Variants in EYA2 observed in about 807,000 individuals in gnomAD.
EYA2 encodes the protein EYA transcriptional coactivator and phosphatase 2.
In EYA2, 31 loss-of-function variants were observed where a neutral mutation model predicts 69.2. The observed-to-expected ratio is 0.45, with a 90% CI of 0.34 to 0.60. The LOEUF (loss-of-function observed/expected upper bound fraction) is 0.60. Among genes scored for constraint, EYA2 ranks in the 20% least tolerant of loss-of-function variants. EYA2 has a pLI of 0.02. For synonymous variants in EYA2, 257 were observed against 279.4 expected (o/e 0.92, Z 0.80); for missense variants, 622 against 701.2 (o/e 0.89, Z 1.28).
At position 47,153,768 on chromosome 20, in the gene EYA2, G is replaced by A. The variant is rs564989739; in HGVS notation, c.978+10620G>A. ...TATCCGGGTGAGTGCCATCCACTAA[G>A]AGGCCTGGCACCGTGGAAGGAATGG... On this transcript the variant is annotated intron_variant, in intron 10 of 15. Coordinates refer to ENST00000327619, the MANE Select transcript of EYA2 (RefSeq NM_005244.5). Among the ~76,000 whole-genome samples, 427 of 152,066 alleles carry A rather than the reference G, an allele frequency of 2.8e-3. 4 individuals are homozygous for A. Among genetic ancestry groups the A allele is most frequent in the Non-Finnish European group, 4.6e-3 (310 of 68,018 alleles).
intron 12 of EYA2, among the ~76,000 whole-genome samples, chr20:47,179,347 T>TGGGG (rs1568830586): frequency 8.0e-5 from 3 of 37,614 alleles, no homozygotes; most frequent in Admixed American, 3.2e-4. Context: ...GATTGATGGG[T>TGGGG]GGGTGGGTGG....
chr20:46,972,592 C>A (rs1980208032), intron 1 of EYA2, among the ~76,000 whole-genome samples: 1 of 152,184 alleles, frequency 6.6e-6, no homozygotes, highest in Non-Finnish European at 1.5e-5. Context: ...GCTCTCAGAA[C>A]TACACAAGTA....
chr20:47,048,406 G>C (rs1410336673), intron 5 of EYA2, among the ~76,000 whole-genome samples: 1 of 152,110 alleles, frequency 6.6e-6, no homozygotes, highest in African/African-American at 2.4e-5. Flanking sequence ...CCAAAATCTG[G>C]GTTTTCATGG....
chr20:47,110,223 G>A (rs1053251171), intron 9 of EYA2, among the ~76,000 whole-genome samples: 2 of 152,082 alleles, frequency 1.3e-5, no homozygotes, highest in African/African-American at 4.8e-5. Flanking sequence ...CCAGGAAGTG[G>A]CCCACTGCTC....
At chr20:46,958,182 G>A (rs1600581076) in intron 1 of EYA2, among the ~76,000 whole-genome samples, 2 of 152,274 alleles carry the variant, frequency 1.3e-5, no homozygotes, top group East Asian at 3.9e-4. Flanking sequence ...CTGGTAAATG[G>A]GTTCAGCTGC....
At chr20:46,904,620 G>T (rs1222098049) in intron 1 of EYA2, among the ~76,000 whole-genome samples, 2 of 152,096 alleles carry the variant, frequency 1.3e-5, no homozygotes, top group Non-Finnish European at 2.9e-5. Flanking sequence ...TGAGGTTCTT[G>T]CTCCCCTCAA....
At chr20:47,010,054 C>G (rs1982961325) in intron 4 of EYA2, among the ~76,000 whole-genome samples, 1 of 152,182 alleles carries the variant, frequency 6.6e-6, no homozygotes, top group South Asian at 2.1e-4. Flanking sequence ...TTTAGACAGT[C>G]TTTTAGGGCT....
chr20:46,935,235 G>A (rs1985856401), intron 1 of EYA2, among the ~76,000 whole-genome samples: 1 of 152,214 alleles, frequency 6.6e-6, no homozygotes, highest in Admixed American at 6.5e-5. Context: ...AGGGCAGCCT[G>A]CTGGGAACAT....
At chr20:46,924,669 C>CAAAAAAAAAAAAAA (rs10568771) in intron 1 of EYA2, among the ~76,000 whole-genome samples, 2 of 88,370 alleles carry the variant, frequency 2.3e-5, no homozygotes, top group African/African-American at 1.2e-4. Context: ...GACTCCATCT[C>CAAAAAAAAAAAAAA]AAAAAAAAAA....
At chr20:47,055,374 C>T (rs1430913002) in intron 5 of EYA2, among the ~76,000 whole-genome samples, 3 of 152,214 alleles carry the variant, frequency 2.0e-5, no homozygotes, top group Admixed American at 6.5e-5. Flanking sequence ...CTGTGATCCC[C>T]TGATCTGTTT....
intron 5 of EYA2, among the ~76,000 whole-genome samples, chr20:47,065,149 C>G (rs924288609): frequency 6.6e-6 from 1 of 152,144 alleles, no homozygotes; most frequent in Non-Finnish European, 1.5e-5. Context: ...ATTCAATTAC[C>G]TCCCACCAGG....
intron 8 of EYA2, among the ~76,000 whole-genome samples, chr20:47,092,606 G>C (rs946662874): frequency 2.0e-5 from 3 of 152,158 alleles, no homozygotes; most frequent in African/African-American, 7.2e-5. Flanking sequence ...CTCTGTAGGG[G>C]AACGGCGGGG....
chr20:47,153,065 T>A (rs2033855398), intron 10 of EYA2, among the ~76,000 whole-genome samples: 1 of 151,890 alleles, frequency 6.6e-6, no homozygotes, highest in Non-Finnish European at 1.5e-5. Context: ...TTGTACAAAG[T>A]GGAATTGTCC....
At chr20:47,094,989 C>T (rs529660689) in intron 8 of EYA2, among the ~76,000 whole-genome samples, 91 of 151,888 alleles carry the variant, frequency 6.0e-4, no homozygotes, top group African/African-American at 2.0e-3. Context: ...GTGATGATTA[C>T]GCCACTGCAC....
chr20:46,994,090 C>T (rs1162513558), intron 2 of EYA2, among the ~76,000 whole-genome samples: 2 of 152,166 alleles, frequency 1.3e-5, no homozygotes, highest in Non-Finnish European at 2.9e-5. Context: ...CAGAATGGTG[C>T]TGAGGAACCC....
intron 1 of EYA2, among the ~76,000 whole-genome samples, chr20:46,917,444 C>CA (rs1220670933): frequency 2.0e-5 from 3 of 152,252 alleles, no homozygotes; most frequent in Non-Finnish European, 2.9e-5. Flanking sequence ...TCAGGCTGCA[C>CA]AAACCTTTTT....
rs182171126 is a variant in EYA2, at chr20:47,090,628, A to G, written c.804+1247A>G. On this transcript the variant is annotated intron_variant, in intron 8 of 15. Transcript: ENST00000327619. ...AGTAAGATGATAATCATCATGAAAC[A>G]GATTACCAAGTCTACCATCTCACAA... 2.7e-3 allele frequency among the ~76,000 whole-genome samples: 415 copies of G among 152,314 alleles called. 1 individual carries two copies. The highest frequency in any genetic ancestry group is 9.3e-3 in the African/African-American group (388 of 41,578).
At chr20:47,033,815 A>G (rs898085527) in intron 5 of EYA2, among the ~76,000 whole-genome samples, 2 of 152,244 alleles carry the variant, frequency 1.3e-5, no homozygotes, top group African/African-American at 2.4e-5. Context: ...CAATGGACAT[A>G]TAGCATGAAA....
intron 1 of EYA2, among the ~76,000 whole-genome samples, chr20:46,971,918 A>T (rs1212276161): frequency 6.6e-6 from 1 of 152,230 alleles, no homozygotes; most frequent in Non-Finnish European, 1.5e-5. Flanking sequence ...TTAGATGCTA[A>T]GGACACAGGA....
Sources: allele counts gnomAD v4.1 joint callset (sites outside exome capture counted in the v4.1 genomes callset), GRCh38; gene constraint gnomAD v4.1.1; transcripts MANE v1.5; gene names NCBI Gene and HGNC (gene_info 2026-07-23, HGNC 2026-07-21).